The following CEP112 variants were observed in gnomAD, a reference collection of about 807,000 sequenced individuals.
CEP112 encodes centrosomal protein 112, also known as centrosomal protein of 112 kDa.
Under a neutral mutation model 153.0 loss-of-function variants are expected in CEP112, and 127 were observed. The observed-to-expected ratio is 0.83, with a 90% confidence interval of 0.72 to 0.96. CEP112 has a LOEUF of 0.96. Ranked by LOEUF, CEP112 falls within the 40% of genes least tolerant of loss-of-function variation. CEP112 has a pLI of 0.00. For missense variants in CEP112, 1,089 were observed against 1,101.2 expected (o/e 0.99, Z 0.16); for synonymous variants, 358 against 374.4 (o/e 0.96, Z 0.51).
chr17:65,798,631 C>T (rs142988093), intron 21 of CEP112, among the ~76,000 whole-genome samples: 281 of 152,338 alleles, frequency 1.8e-3, no homozygotes, highest in African/African-American at 6.5e-3. Flanking sequence ...AGCCTGATGA[C>T]ATGCTTAATA....
chr17:66,022,617 G>C (rs1286488930), intron 16 of CEP112, among the ~76,000 whole-genome samples: 2 of 149,448 alleles, frequency 1.3e-5, no homozygotes, highest in African/African-American at 4.9e-5. Context: ...GCTGAGGCAG[G>C]AGAAGGGCAT....
Position 66,096,421 on chromosome 17 carries a change from A to G in CEP112, c.691-93T>C, listed in dbSNP as rs1490241693. 4 of 1,251,398 alleles carry G rather than the reference A, an allele frequency of 3.2e-6. No individual in the cohort carries two copies. In the East Asian group the frequency reaches 9.3e-5, roughly 29 times the overall value. The allele number at this position is 1,251,398 out of a possible 1,614,324, so 77.5% of individuals were successfully genotyped here. A position where few individuals can be genotyped will look rare whatever the true frequency, so the allele number is the denominator to read the frequency against. On this transcript the variant is annotated intron_variant, in intron 7 of 26. Coordinates refer to ENST00000535342, the MANE Select transcript of CEP112 (RefSeq NM_001199165.4). ...TTCTAAATTGCCTGAGGCCCGTACCAAAATAGTACTAACACTGCAGGAAAA... is the reference window on the plus strand; with the variant it reads ...TTCTAAATTGCCTGAGGCCCGTACCGAAATAGTACTAACACTGCAGGAAAA...
intron 16 of CEP112, among the ~76,000 whole-genome samples, chr17:66,021,092 C>A (rs1178392311): frequency 6.6e-6 from 1 of 152,114 alleles, no homozygotes. Context: ...CCCTATCCCT[C>A]CCAAGCCCTG....
At position 65,831,030 on chromosome 17, in the gene CEP112, C is replaced by T. The variant is rs144819672; in HGVS notation, c.2394+20774G>A. 5.7e-3 allele frequency among the ~76,000 whole-genome samples: 868 copies of T among 152,332 alleles called. 5 individuals are homozygous for T. The highest frequency in any genetic ancestry group is 0.02 in the African/African-American group (835 of 41,566). On this transcript the variant is annotated intron_variant, in intron 21 of 26. Transcript: ENST00000535342. ...TCTTCCCCAGAATGGGAAGTAACAA[C>T]AGGCCAGCATTTAACTTCTGATGCT...
At chr17:65,897,095 C>T (rs1325620561) in intron 20 of CEP112, among the ~76,000 whole-genome samples, 4 of 152,010 alleles carry the variant, frequency 2.6e-5, no homozygotes, top group Admixed American at 6.6e-5. Flanking sequence ...ACAGCTGGAA[C>T]ACCAGGCCAC....
At chr17:66,074,602 C>T (rs2067417921) in intron 8 of CEP112, among the ~76,000 whole-genome samples, 1 of 152,224 alleles carries the variant, frequency 6.6e-6, no homozygotes, top group African/African-American at 2.4e-5. Flanking sequence ...TGGTGGCTCA[C>T]ACCTGTAATC....
At chr17:65,769,111 T>C (rs2053183569) in intron 21 of CEP112, among the ~76,000 whole-genome samples, 2 of 151,876 alleles carry the variant, frequency 1.3e-5, no homozygotes, top group African/African-American at 4.8e-5. Context: ...AATCAATATA[T>C]AAAAATCTGA....
At chr17:65,767,676 A>G (rs1410872334) in intron 21 of CEP112, among the ~76,000 whole-genome samples, 1 of 152,054 alleles carries the variant, frequency 6.6e-6, no homozygotes, top group Non-Finnish European at 1.5e-5. Flanking sequence ...ATAAACTCAG[A>G]TATGAAAGTG....
At chr17:65,898,472 T>C (rs1012815937) in intron 20 of CEP112, among the ~76,000 whole-genome samples, 7 of 152,152 alleles carry the variant, frequency 4.6e-5, no homozygotes, top group African/African-American at 1.7e-4. Flanking sequence ...AGAAAAGAAT[T>C]ATTACAAATT....
At chr17:65,923,482 T>C (rs59308331) in intron 19 of CEP112, among the ~76,000 whole-genome samples, 5,708 of 152,200 alleles carry the variant, frequency 0.038, 322 homozygotes, top group African/African-American at 0.12. Context: ...GAGTTCAAGG[T>C]TGCAGTGAGC....
intron 24 of CEP112, among the ~76,000 whole-genome samples, chr17:65,683,900 G>T (rs1036261987): frequency 6.6e-6 from 1 of 152,092 alleles, no homozygotes; most frequent in African/African-American, 2.4e-5. Flanking sequence ...AATTAGCCAG[G>T]CATGGTGGTG....
At chr17:66,123,352 T>C (rs915846465) in intron 6 of CEP112, among the ~76,000 whole-genome samples, 6 of 152,178 alleles carry the variant, frequency 3.9e-5, no homozygotes, top group African/African-American at 1.2e-4. Context: ...TATCCCTTGA[T>C]TGGGAGCTCA....
chr17:66,041,475 A>G (rs2145837798), intron 12 of CEP112, among the ~76,000 whole-genome samples: 1 of 152,312 alleles, frequency 6.6e-6, no homozygotes, highest in South Asian at 2.1e-4. Context: ...AAAACCTATC[A>G]ATGACATTAA....
At chr17:66,097,557 T>C (rs940883040) in intron 6 of CEP112, among the ~76,000 whole-genome samples, 3 of 152,178 alleles carry the variant, frequency 2.0e-5, no homozygotes, top group African/African-American at 7.2e-5. Context: ...CACCTTCTTA[T>C]CAGCTCCTAA....
chr17:65,905,773 AAAAAAC>A (rs2060051259), intron 19 of CEP112, among the ~76,000 whole-genome samples: 1 of 151,834 alleles, frequency 6.6e-6, no homozygotes, highest in South Asian at 2.1e-4. Flanking sequence ...ACTAAAAATA[AAAAAAC>A]AAAAACAAAA....
chr17:65,645,970 C>T (rs919490585), intron 24 of CEP112, among the ~76,000 whole-genome samples: 5 of 152,168 alleles, frequency 3.3e-5, no homozygotes, highest in Non-Finnish European at 7.3e-5. Context: ...ATTTCATTTG[C>T]TCTGGGGGCC....
chr17:65,762,389 T>C (rs1195795936), intron 21 of CEP112, among the ~76,000 whole-genome samples: 2 of 152,028 alleles, frequency 1.3e-5, no homozygotes, highest in Non-Finnish European at 2.9e-5. Flanking sequence ...ACTCTGACAA[T>C]CTCTGCCTTT....
chr17:65,999,437 G>A lies in CEP112; in HGVS notation c.1736+6253C>T, dbSNP rs1407853571. On this transcript the variant is annotated intron_variant, in intron 17 of 26. Coordinates refer to ENST00000535342, the MANE Select transcript of CEP112 (RefSeq NM_001199165.4). ...AGGATGGTCTCGATCTCCTGACCTC[G>A]TGATTTGCCCACCTCGGCCTCCCAA... Among the ~76,000 whole-genome samples, 6 of 151,982 alleles carry A rather than the reference G, an allele frequency of 3.9e-5. No homozygotes were observed. The South Asian group carries it at 6.2e-4, about 16-fold the overall frequency.
At chr17:65,997,374 C>T (rs2063828678) in intron 17 of CEP112, among the ~76,000 whole-genome samples, 2 of 152,104 alleles carry the variant, frequency 1.3e-5, no homozygotes, top group South Asian at 4.1e-4. Flanking sequence ...TGTGTCATCC[C>T]TGACAACTCT....
Sources: allele counts gnomAD v4.1 joint callset (sites outside exome capture counted in the v4.1 genomes callset), GRCh38; gene constraint gnomAD v4.1.1; transcripts MANE v1.5; gene names NCBI Gene and HGNC (gene_info 2026-07-23, HGNC 2026-07-21).